Variants in ANTXRL observed in about 807,000 individuals in gnomAD.
ANTXRL encodes anthrax toxin receptor-like.
In ANTXRL, 63 loss-of-function variants were observed where a neutral mutation model predicts 75.4. That is an observed-to-expected ratio of 0.84 (90% CI 0.68 to 1.03). ANTXRL has a LOEUF of 1.03. Among genes scored for constraint, ANTXRL ranks in the 50% least tolerant of loss-of-function variants. The pLI is 0.00. For synonymous variants in ANTXRL, 335 were observed against 291.3 expected, an observed-to-expected ratio of 1.15 and a Z score of -1.53; for missense variants, 797 against 789.4, an observed-to-expected ratio of 1.01 and a Z score of -0.12.
intron 16 of ANTXRL, among the ~76,000 whole-genome samples, chr10:46,317,046 C>T (rs926467999): frequency 7.2e-5 from 11 of 152,230 alleles, no homozygotes; most frequent in South Asian, 2.1e-4. Context: ...CAGCCTCCTG[C>T]GACCCTAAGC....
At chr10:46,319,244 G>T (rs537576148) in intron 16 of ANTXRL, among the ~76,000 whole-genome samples, 2 of 152,190 alleles carry the variant, frequency 1.3e-5, no homozygotes, top group South Asian at 2.1e-4. Flanking sequence ...CAAAACTTTG[G>T]GCATTGATGC....
intron 5 of ANTXRL, 137 bp from the exon 6 acceptor site, chr10:46,297,115 G>T (rs1210990429): frequency 3.7e-5 from 26 of 706,052 alleles, no homozygotes; most frequent in Non-Finnish European, 5.2e-5. Flanking sequence ...CTCTCCTCTG[G>T]AGGATGAGGT....
intron 16 of ANTXRL, among the ~76,000 whole-genome samples, chr10:46,320,640 G>A (rs1226110431): frequency 1.3e-5 from 2 of 152,132 alleles, no homozygotes; most frequent in Non-Finnish European, 2.9e-5. Flanking sequence ...ACTGAGGCAT[G>A]AGAATTACTT....
intron 16 of ANTXRL, among the ~76,000 whole-genome samples, chr10:46,324,652 T>C (rs1477853355): frequency 6.6e-6 from 1 of 152,174 alleles, no homozygotes; most frequent in Non-Finnish European, 1.5e-5. Flanking sequence ...GTTTGGACCT[T>C]TATAGACGCC....
In ANTXRL at chr10:46,296,044, C is replaced by A; in HGVS notation, c.418C>A (p.Gln140Lys). The A allele has an allele frequency of 6.5e-7, 1 of 1,535,810 alleles. No individual in the cohort carries two copies. The highest frequency in any genetic ancestry group is 2.4e-5 in the East Asian group (1 of 40,912). ...DKNRIKNGLD[Q>K]LQKIVPDGHT... ...GAATAGAATAAAAAACGGTCTTGAC[C>A]AACTTCAGAAAATTGTGCCTGACGG... The change falls in exon 4 of 17, where the codon CAA becomes AAA. Residue 140 changes from glutamine to lysine, a missense_variant. Gln to Lys is a moderately conservative substitution (Grantham distance 53, BLOSUM62 1). This residue lies in a region of ANTXRL where 262 missense variants were observed against 271.9 expected (regional missense o/e 0.96). Transcript: ENST00000620264.
intron 15 of ANTXRL, among the ~76,000 whole-genome samples, chr10:46,312,331 C>T (rs2132827596): frequency 6.7e-6 from 1 of 148,646 alleles, no homozygotes; most frequent in African/African-American, 2.4e-5. Flanking sequence ...GCCACTCTCC[C>T]TGAGGAAACC....
At chr10:46,322,822 G>A (rs1027563891) in intron 16 of ANTXRL, among the ~76,000 whole-genome samples, 1 of 152,118 alleles carries the variant, frequency 6.6e-6, no homozygotes, top group Admixed American at 6.5e-5. Flanking sequence ...GAATTGACTT[G>A]GATCAATCTT....
chr10:46,309,915 G>A (rs1436312956), intron 13 of ANTXRL, among the ~76,000 whole-genome samples: 11 of 152,172 alleles, frequency 7.2e-5, no homozygotes, highest in Admixed American at 7.2e-4. Flanking sequence ...GAAGATGGAA[G>A]GGGTGCTGGG....
rs1336216184 is a variant in ANTXRL, at chr10:46,298,076, AG to A, written c.796+16del. The A allele has an allele frequency of 6.5e-7, 1 of 1,530,928 alleles. No individual in the cohort carries two copies. The highest frequency in any genetic ancestry group is 1.4e-5 in the African/African-American group (1 of 72,800). The allele number at this position is 1,530,928 out of a possible 1,614,324, so 94.8% of individuals were successfully genotyped here. A position where few individuals can be genotyped will look rare whatever the true frequency, so the allele number is the denominator to read the frequency against. The stretch of plus-strand genomic sequence containing the variant: ...AGTGTGTAGGAGGTGAGAGCTGCGG[AG>A]GCCCTGGGGTAGCCAAAGGGTGGTG... On this transcript the variant is annotated intron_variant, in intron 9 of 16. Transcript: ENST00000620264.
At chr10:46,319,820 T>C (rs1389275852) in intron 16 of ANTXRL, among the ~76,000 whole-genome samples, 1 of 152,198 alleles carries the variant, frequency 6.6e-6, no homozygotes, top group African/African-American at 2.4e-5. Flanking sequence ...AGAGATTTTC[T>C]TAATGTATTT....
intron 16 of ANTXRL, among the ~76,000 whole-genome samples, chr10:46,326,980 A>C (rs1197167111): frequency 1.3e-5 from 2 of 152,112 alleles, no homozygotes; most frequent in African/African-American, 4.8e-5. Flanking sequence ...GGAGAGAGAC[A>C]GGCTGTCTGG....
At chr10:46,307,316 ATGACCT>A in intron 11 of ANTXRL, 80 bp from the exon 12 acceptor site, 1 of 959,706 alleles carries the variant, frequency 1.0e-6, no homozygotes, top group Admixed American at 2.0e-5. Context: ...TGTTTGGGGA[ATGACCT>A]CTCATTACCC....
At chr10:46,290,189 C>T (rs1323996147) in intron 1 of ANTXRL, among the ~76,000 whole-genome samples, 1 of 151,846 alleles carries the variant, frequency 6.6e-6, no homozygotes, top group Non-Finnish European at 1.5e-5. Context: ...ACTACAGGGG[C>T]ATGCCACCAC....
At chr10:46,305,941 A>T (rs1380195634) in intron 10 of ANTXRL, among the ~76,000 whole-genome samples, 2 of 152,144 alleles carry the variant, frequency 1.3e-5, no homozygotes, top group Non-Finnish European at 2.9e-5. Flanking sequence ...TCCCACCAGC[A>T]AGTCCTGTTG....
chr10:46,305,426 G>A (rs1838014842), intron 10 of ANTXRL, among the ~76,000 whole-genome samples: 2 of 152,206 alleles, frequency 1.3e-5, no homozygotes, highest in Non-Finnish European at 2.9e-5. Context: ...TAGGGAGGTG[G>A]AAAAGAAAAG....
intron 16 of ANTXRL, among the ~76,000 whole-genome samples, chr10:46,325,798 C>T (rs1839183799): frequency 6.6e-6 from 1 of 152,086 alleles, no homozygotes; most frequent in Non-Finnish European, 1.5e-5. Flanking sequence ...TTCTCTAGCT[C>T]CTTTTACCTC....
chr10:46,315,658 C>G (rs1838686208), intron 16 of ANTXRL, among the ~76,000 whole-genome samples: 1 of 152,140 alleles, frequency 6.6e-6, no homozygotes, highest in African/African-American at 2.4e-5. Context: ...GTGGGCTGAC[C>G]TGGGGAGTGT....
At chr10:46,292,037 C>T in intron 1 of ANTXRL, 21 bp from the exon 2 acceptor site, 1 of 1,535,080 alleles carries the variant, frequency 6.5e-7, no homozygotes. Flanking sequence ...TCTCCCTGAC[C>T]CACATCTCCT....
intron 3 of ANTXRL, 59 bp downstream of exon 3, chr10:46,293,959 A>T: frequency 6.9e-7 from 1 of 1,456,950 alleles, no homozygotes; most frequent in Non-Finnish European, 9.3e-7. Flanking sequence ...AGGGAGCTCC[A>T]GGGAGCTGAA....
Sources: gnomAD v4.1 joint callset for allele counts (sites outside exome capture counted in the v4.1 genomes callset) on GRCh38, gnomAD v4.1.1 for gene constraint, gnomAD v4.1.1 regional missense constraint, MANE v1.5 for transcripts, NCBI Gene and HGNC (gene_info 2026-07-23, HGNC 2026-07-21) for gene names.